PTPRK: variants seen among roughly 807,000 people sequenced by gnomAD.
PTPRK encodes receptor-type tyrosine-protein phosphatase kappa.
A neutral mutation model predicts 178.0 loss-of-function variants in PTPRK; 75 were observed. The observed-to-expected ratio is 0.42, with a 90% CI of 0.35 to 0.51. The LOEUF is 0.51. Among genes scored for constraint, PTPRK ranks in the 20% least tolerant of loss-of-function variants. The pLI is 0.02. For synonymous variants in PTPRK, 637 were observed against 620.6 expected (o/e 1.03, Z -0.39); for missense variants, 1,441 against 1,797.8 (o/e 0.80, Z 3.59).
rs1292492882 is a variant in PTPRK, at chr6:127,998,742, T to G, written c.2657A>C (p.Tyr886Ser). The change falls in exon 16 of 30, where the codon TAT becomes TCT. Residue 886 changes from tyrosine to serine, a missense_variant. By Grantham distance (144) the Tyr-to-Ser change is moderately radical (BLOSUM62 -2). Transcript: ENST00000368226. Reference sequence around the variant, plus strand: ...CACCTCATATTCCTCTTTGAACCCATAGCTGTCTGATGTCTTCATGAGATT... The same window carrying G: ...CACCTCATATTCCTCTTTGAACCCAGAGCTGTCTGATGTCTTCATGAGATT... Reference protein sequence around the residue: ...HINLMKTSDSYGFKEEYESFF... With the variant: ...HINLMKTSDSSGFKEEYESFF... 6.3e-7 allele frequency: 1 copy of G among 1,595,852 alleles called. No homozygotes were observed. The highest frequency in any genetic ancestry group is 8.6e-7 in the Non-Finnish European group (1 of 1,168,990).
chr6:128,071,880 CTG>C (rs1386724648), intron 11 of PTPRK, among the ~76,000 whole-genome samples: 1 of 152,002 alleles, frequency 6.6e-6, no homozygotes, highest in East Asian at 1.9e-4. Flanking sequence ...ATTTTTAAAT[CTG>C]TTTCTGTCCT....
chr6:128,201,106 G>T (rs906525352), intron 6 of PTPRK, among the ~76,000 whole-genome samples: 26 of 152,234 alleles, frequency 1.7e-4, no homozygotes, highest in African/African-American at 6.3e-4. Flanking sequence ...TTTAAAAGAG[G>T]ATAGGCTATT....
intron 6 of PTPRK, among the ~76,000 whole-genome samples, 187 bp from the exon 7 acceptor site, chr6:128,184,912 C>G (rs1388775248): frequency 6.6e-6 from 1 of 152,058 alleles, no homozygotes; most frequent in Non-Finnish European, 1.5e-5. Context: ...TTTGCAAGTG[C>G]ATATGACTAT....
intron 1 of PTPRK, among the ~76,000 whole-genome samples, chr6:128,479,978 A>C (rs1851853201): frequency 6.6e-6 from 1 of 152,102 alleles, no homozygotes. Context: ...TGGCTTTCTG[A>C]ACCTCTCAGA....
intron 1 of PTPRK, among the ~76,000 whole-genome samples, chr6:128,455,746 T>G (rs1562557746): frequency 6.6e-6 from 1 of 152,140 alleles, no homozygotes; most frequent in Non-Finnish European, 1.5e-5. Context: ...AGATATACAG[T>G]CATTTTAGAG....
intron 2 of PTPRK, among the ~76,000 whole-genome samples, chr6:128,338,056 T>C (rs77207305): frequency 0.013 from 1,967 of 152,264 alleles, 40 homozygotes; most frequent in African/African-American, 0.045. Flanking sequence ...TTTGTCTTTA[T>C]CTTAAATGTT....
intron 3 of PTPRK, among the ~76,000 whole-genome samples, chr6:128,243,999 A>G (rs1814996675): frequency 6.6e-6 from 1 of 152,166 alleles, no homozygotes; most frequent in South Asian, 2.1e-4. Context: ...GAAAGATAAA[A>G]ATAATACTAA....
chr6:128,015,370 C>A (rs771091650), intron 13 of PTPRK, among the ~76,000 whole-genome samples: 4 of 151,568 alleles, frequency 2.6e-5, no homozygotes, highest in African/African-American at 9.7e-5. Flanking sequence ...TAAAATAGAG[C>A]GTTAGTGCAC....
chr6:128,001,175 A>G, intron 15 of PTPRK: 1 of 1,510,392 alleles, frequency 6.6e-7, no homozygotes, highest in Non-Finnish European at 8.9e-7. Context: ...GGTTTTCTAG[A>G]GTTCTTTGCA....
At chr6:128,205,300 G>A (rs771822940) in intron 6 of PTPRK, among the ~76,000 whole-genome samples, 1 of 151,930 alleles carries the variant, frequency 6.6e-6, no homozygotes, top group Admixed American at 6.6e-5. Flanking sequence ...CAGGAAGAGC[G>A]GCTAATGGAT....
intron 13 of PTPRK, among the ~76,000 whole-genome samples, chr6:128,019,827 T>A (rs1773209591): frequency 6.6e-6 from 1 of 151,984 alleles, no homozygotes; most frequent in Admixed American, 6.6e-5. Flanking sequence ...CAAGGTGGAG[T>A]GCCTTGGTGA....
At chr6:128,400,329 A>C (rs1314638408) in intron 1 of PTPRK, among the ~76,000 whole-genome samples, 1 of 152,188 alleles carries the variant, frequency 6.6e-6, no homozygotes, top group Non-Finnish European at 1.5e-5. Flanking sequence ...CTAGAGGAAA[A>C]GCAAGATCAA....
At chr6:128,269,094 A>C (rs1434183863) in intron 3 of PTPRK, among the ~76,000 whole-genome samples, 1 of 152,038 alleles carries the variant, frequency 6.6e-6, no homozygotes, top group Non-Finnish European at 1.5e-5. Flanking sequence ...AGTTCAAAAA[A>C]CAACACATAG....
Position 128,083,549 on chromosome 6 carries a change from C to T in PTPRK, c.1575+166G>A, listed in dbSNP as rs142691219. 2,345 of 414,526 alleles carry T rather than the reference C, an allele frequency of 5.7e-3. 12 individuals carry two copies. Among genetic ancestry groups the T allele is most frequent in the Middle Eastern group, 0.01 (16 of 1,594 alleles). The allele number at this position is 414,526 out of a possible 1,614,324, so 25.7% of individuals were successfully genotyped here. Reference sequence around the variant, plus strand: ...ATGCCATACAAAATATTTATTTTGACGCTTAATTTTGGAATCAAAGAATCT... The same window carrying T: ...ATGCCATACAAAATATTTATTTTGATGCTTAATTTTGGAATCAAAGAATCT... On this transcript the variant is annotated intron_variant, in intron 9 of 29. Coordinates refer to ENST00000368226, the MANE Select transcript of PTPRK (RefSeq NM_002844.4).
At chr6:128,092,463 C>T (rs925459051) in intron 7 of PTPRK, among the ~76,000 whole-genome samples, 6 of 152,040 alleles carry the variant, frequency 3.9e-5, no homozygotes, top group African/African-American at 1.4e-4. Context: ...TCTTAATTGG[C>T]ATGCACCTTA....
chr6:128,210,454 G>C (rs778282975), intron 6 of PTPRK, among the ~76,000 whole-genome samples: 7 of 149,760 alleles, frequency 4.7e-5, no homozygotes, highest in Non-Finnish European at 7.4e-5. Context: ...TATTTTTGGG[G>C]AGGGGGGGTG....
chr6:128,205,777 CA>C (rs57003128), intron 6 of PTPRK, among the ~76,000 whole-genome samples: 377 of 15,214 alleles, frequency 0.025, no homozygotes, highest in East Asian at 0.13. Context: ...CATCACAGAC[CA>C]AAAAAAAAAA....
chr6:128,008,144 T>C, intron 14 of PTPRK: 1 of 1,052,848 alleles, frequency 9.5e-7, no homozygotes, highest in Non-Finnish European at 1.3e-6. Flanking sequence ...ATGGAATCAT[T>C]AAAACATGTA....
chr6:127,980,046 T>C (rs1388828739), intron 25 of PTPRK, among the ~76,000 whole-genome samples: 1 of 152,020 alleles, frequency 6.6e-6, no homozygotes, highest in Non-Finnish European at 1.5e-5. Context: ...CACGGTGGCT[T>C]ACGCCTGTAA....
Sources: allele counts gnomAD v4.1 joint callset (sites outside exome capture counted in the v4.1 genomes callset), GRCh38; gene constraint gnomAD v4.1.1; transcripts MANE v1.5; gene names NCBI Gene and HGNC (gene_info 2026-07-23, HGNC 2026-07-21).